The following CNTN5 variants were observed in gnomAD, a reference collection of about 807,000 sequenced individuals.
CNTN5 encodes the protein contactin-5.
CNTN5 carries 77 observed loss-of-function variants against 129.1 expected under a neutral mutation model. That is an observed-to-expected ratio of 0.60 (90% confidence interval 0.50 to 0.72). The LOEUF (loss-of-function observed/expected upper bound fraction) is 0.72. CNTN5 is among the 30% of genes least tolerant of loss of function. The probability of loss-of-function intolerance (pLI) is 0.00; values close to 1 mark genes in which losing one functional copy is unlikely to be tolerated. For synonymous variants in CNTN5, 509 were observed against 465.6 expected, an observed-to-expected ratio of 1.09 and a Z score of -1.20; for missense variants, 1,478 against 1,328.8, an observed-to-expected ratio of 1.11 and a Z score of -1.75.
intron 8 of CNTN5, among the ~76,000 whole-genome samples, chr11:99,969,052 C>T (rs1951177670): frequency 6.6e-6 from 1 of 151,998 alleles, no homozygotes; most frequent in Admixed American, 6.6e-5. Flanking sequence ...GCTCACATGT[C>T]CTTGGCAATC....
intron 2 of CNTN5, among the ~76,000 whole-genome samples, chr11:99,358,271 T>TTTTTTTTTTTTTTGTGTG (rs1565518506): frequency 7.7e-6 from 1 of 129,440 alleles, no homozygotes; most frequent in Admixed American, 7.9e-5. Context: ...TTTTTTTTTT[T>TTTTTTTTTTTTTTGTGTG]TTTTAGTAGA....
rs376289717 is a variant in CNTN5, at chr11:99,463,108, A to AAAATAAATAAATAAATAAATAAAT, written c.-70-93021_-70-92998dup. On this transcript the variant is annotated intron_variant, in intron 2 of 24. Coordinates refer to ENST00000524871, the MANE Select transcript of CNTN5 (RefSeq NM_014361.4). ...GGGCTAGAGAGCAAGACTCCATCTC[A>AAAATAAATAAATAAATAAATAAAT]AAATAAATAAATAAATAAATAAATA... Among the ~76,000 whole-genome samples, 346 of 121,140 alleles carry AAAATAAATAAATAAATAAATAAAT rather than the reference A, an allele frequency of 2.9e-3. 3 individuals are homozygous for AAAATAAATAAATAAATAAATAAAT. Among genetic ancestry groups the AAAATAAATAAATAAATAAATAAAT allele is most frequent in the East Asian group, 5.9e-3 (22 of 3,760 alleles). The allele number at this position is 121,140 out of a possible 152,430, so 79.5% of individuals were successfully genotyped here. A position where few individuals can be genotyped will look rare whatever the true frequency, so the allele number is the denominator to read the frequency against.
At chr11:100,250,384 T>C (rs568803716) in intron 16 of CNTN5, among the ~76,000 whole-genome samples, 2 of 152,258 alleles carry the variant, frequency 1.3e-5, no homozygotes, top group African/African-American at 4.8e-5. Flanking sequence ...TATTTTTCCT[T>C]CTTTTTTTCC....
intron 3 of CNTN5, among the ~76,000 whole-genome samples, chr11:99,693,557 A>C (rs1189780670): frequency 1.3e-5 from 2 of 151,916 alleles, no homozygotes; most frequent in Non-Finnish European, 2.9e-5. Context: ...ACCGTGAAAC[A>C]TGGGGTCTTC....
At chr11:99,711,895 G>A (rs1020593638) in intron 3 of CNTN5, among the ~76,000 whole-genome samples, 1 of 151,930 alleles carries the variant, frequency 6.6e-6, no homozygotes, top group Non-Finnish European at 1.5e-5. Context: ...TGGGTATTTG[G>A]GCTGGTTCCA....
At chr11:99,167,560 T>G (rs1034940688) in intron 1 of CNTN5, among the ~76,000 whole-genome samples, 7 of 152,152 alleles carry the variant, frequency 4.6e-5, no homozygotes, top group Admixed American at 3.9e-4. Flanking sequence ...TGTGATATGC[T>G]CTATTGGGAA....
At chr11:99,619,787 G>T (rs1411979601) in intron 3 of CNTN5, among the ~76,000 whole-genome samples, 6 of 151,912 alleles carry the variant, frequency 3.9e-5, no homozygotes, top group Admixed American at 2.6e-4. Flanking sequence ...AGCACTTTGG[G>T]AGGCCGAGGC....
intron 13 of CNTN5, among the ~76,000 whole-genome samples, chr11:100,126,002 A>G (rs1025683145): frequency 6.6e-6 from 1 of 152,008 alleles, no homozygotes; most frequent in East Asian, 1.9e-4. Flanking sequence ...GTATGTGTGT[A>G]TCTATTTTCA....
chr11:100,317,911 AC>A, intron 21 of CNTN5, among the ~76,000 whole-genome samples: 1 of 152,286 alleles, frequency 6.6e-6, no homozygotes, highest in East Asian at 1.9e-4. Context: ...CACAAATGGA[AC>A]CAAAAAAGTA....
rs1952449372 is a variant in CNTN5 at position 100,352,971 on chromosome 11, AT to A, written c.3199+2103del. Among the ~76,000 whole-genome samples, 3 of 151,608 alleles carry A rather than the reference AT, an allele frequency of 2.0e-5. No individual in the cohort carries two copies. The East Asian group carries it at 5.8e-4, about 29-fold the overall frequency. On this transcript the variant is annotated intron_variant, in intron 24 of 24. Transcript: ENST00000524871. ...GGATTAAACTAGGTGTTTTCTATAT[AT>A]TATTTTATCTTTCTAGCAATCCTTT...
intron 6 of CNTN5, among the ~76,000 whole-genome samples, chr11:99,852,389 C>G (rs902367196): frequency 6.6e-6 from 1 of 152,318 alleles, no homozygotes. Flanking sequence ...TTTGCCCAGG[C>G]TGGTCTTGAG....
intron 1 of CNTN5, among the ~76,000 whole-genome samples, chr11:99,193,710 C>G (rs2135598419): frequency 6.6e-6 from 1 of 152,268 alleles, no homozygotes; most frequent in African/African-American, 2.4e-5. Flanking sequence ...AACCCATGGG[C>G]AACCCAGGAG....
Position 99,338,392 on chromosome 11 carries a change from G to T in CNTN5, c.-71+12908G>T, listed in dbSNP as rs566959991. ...ATACTCAAATCACAAGAATGAGTAG[G>T]GCATGGTGTCCACCATGTCTGACAG... is the stretch of plus-strand genomic sequence containing the variant. On this transcript the variant is annotated intron_variant, in intron 2 of 24. Coordinates refer to ENST00000524871, the MANE Select transcript of CNTN5 (RefSeq NM_014361.4). 4.6e-5 allele frequency among the ~76,000 whole-genome samples: 7 copies of T among 152,122 alleles called. No individual in the cohort carries two copies. In the East Asian group the frequency reaches 1.3e-3, roughly 29 times the overall value.
chr11:99,866,104 A>G lies in CNTN5; in HGVS notation c.577+20842A>G, dbSNP rs139885728. 3.9e-3 allele frequency among the ~76,000 whole-genome samples: 589 copies of G among 152,240 alleles called. 2 individuals carry two copies. Among genetic ancestry groups the G allele is most frequent in the African/African-American group, 0.012 (490 of 41,538 alleles). On this transcript the variant is annotated intron_variant, in intron 6 of 24. Coordinates refer to ENST00000524871, the MANE Select transcript of CNTN5 (RefSeq NM_014361.4). ...TTCTAGCTTCTGAAATGTTCTGAGGATGTAATTTTTTAATAAGAGGAAATG... is the reference window on the plus strand; with the variant it reads ...TTCTAGCTTCTGAAATGTTCTGAGGGTGTAATTTTTTAATAAGAGGAAATG...
chr11:99,470,022 C>T (rs1945111351), intron 2 of CNTN5, among the ~76,000 whole-genome samples: 1 of 152,086 alleles, frequency 6.6e-6, no homozygotes. Flanking sequence ...AGAGTTAGAG[C>T]AGCCTGTCCA....
At chr11:99,679,976 A>G (rs747463912) in intron 3 of CNTN5, among the ~76,000 whole-genome samples, 4 of 152,212 alleles carry the variant, frequency 2.6e-5, no homozygotes, top group Non-Finnish European at 5.9e-5. Flanking sequence ...ACCAGCTACG[A>G]CATTCCCTTA....
chr11:100,117,495 T>G (rs963878293), intron 13 of CNTN5, among the ~76,000 whole-genome samples: 6 of 151,974 alleles, frequency 3.9e-5, no homozygotes, highest in African/African-American at 1.4e-4. Flanking sequence ...ATAGTGTTTC[T>G]GGGAGGATTA....
intron 13 of CNTN5, among the ~76,000 whole-genome samples, chr11:100,144,555 G>T (rs1041827612): frequency 1.3e-5 from 2 of 152,060 alleles, no homozygotes; most frequent in African/African-American, 4.8e-5. Context: ...TTCAATATAT[G>T]CATTTGCTCT....
chr11:99,268,808 T>A (rs945135714), intron 1 of CNTN5, among the ~76,000 whole-genome samples: 1 of 151,994 alleles, frequency 6.6e-6, no homozygotes, highest in Non-Finnish European at 1.5e-5. Context: ...ATTGTCTAAT[T>A]CCTTTTAAAG....
Sources: allele counts gnomAD v4.1 joint callset (sites outside exome capture counted in the v4.1 genomes callset), GRCh38; gene constraint gnomAD v4.1.1; transcripts MANE v1.5; gene names NCBI Gene and HGNC (gene_info 2026-07-23, HGNC 2026-07-21).